FKTN: variants seen among roughly 807,000 people sequenced by gnomAD.
FKTN encodes the protein fukutin.
A neutral mutation model predicts 58.6 loss-of-function variants in FKTN; 47 were observed. That is an observed-to-expected ratio of 0.80 (90% confidence interval 0.63 to 1.02). The LOEUF (loss-of-function observed/expected upper bound fraction) is 1.02, where lower values mean the gene tolerates loss of function less well. Among genes scored for constraint, FKTN ranks in the 50% least tolerant of loss-of-function variants. The pLI, the probability that FKTN is intolerant of heterozygous loss-of-function variation, is 0.00. For synonymous variants in FKTN, 178 were observed against 191.9 expected (o/e 0.93, Z 0.60); for missense variants, 516 against 537.3 (o/e 0.96, Z 0.39).
At chr9:105,615,502 G>A in intron 8 of FKTN, 95 bp downstream of exon 8, 7 of 1,176,036 alleles carry the variant, frequency 6.0e-6, no homozygotes, top group Non-Finnish European at 9.0e-6. Flanking sequence ...AGTGACATTT[G>A]AAGTGTCATG....
rs539987429 is a variant in FKTN at position 105,588,726 on chromosome 9, C to T, written c.106-7872C>T. On this transcript the variant is annotated intron_variant, in intron 3 of 10. Transcript: ENST00000357998. Reference sequence around the variant, plus strand: ...CAGATCTGATCCAAGTTATTCTCTGCATAGTATACCTATGGAATAAGAACC... The same window carrying T: ...CAGATCTGATCCAAGTTATTCTCTGTATAGTATACCTATGGAATAAGAACC... Among the ~76,000 whole-genome samples the T allele has an allele frequency of 1.4e-4, 22 of 152,326 alleles. No homozygotes were observed. In the South Asian group the frequency reaches 4.4e-3, roughly 30 times the overall value.
chr9:105,636,735 G>A lies in FKTN; in HGVS notation c.*1471G>A, dbSNP rs779460901. ...TAGGACTACTTTCTGGAGCTTGGCA[G>A]ATTTTCCTCTGACACCAGAGAACAA... On this transcript the variant is annotated 3_prime_UTR_variant, in exon 11 of 11. Transcript: ENST00000357998. 5 of 1,296,672 alleles carry A rather than the reference G, an allele frequency of 3.9e-6. No individual in the cohort carries two copies. In the South Asian group the frequency reaches 6.3e-5, roughly 16 times the overall value. The allele number at this position is 1,296,672 out of a possible 1,614,324, so 80.3% of individuals were successfully genotyped here.
chr9:105,594,953 C>G (rs1320224722), intron 3 of FKTN, among the ~76,000 whole-genome samples: 2 of 152,036 alleles, frequency 1.3e-5, no homozygotes, highest in East Asian at 3.9e-4. Flanking sequence ...TGGAAATAAC[C>G]TAAATGTTCA....
chr9:105,559,393 A>C (rs2131608530), intron 1 of FKTN, among the ~76,000 whole-genome samples: 1 of 152,284 alleles, frequency 6.6e-6, no homozygotes, highest in Non-Finnish European at 1.5e-5. Context: ...AAAATTGTTA[A>C]TTTTGGGGCT....
At chr9:105,624,985 T>G (rs1440517139) in intron 10 of FKTN, among the ~76,000 whole-genome samples, 3 of 152,178 alleles carry the variant, frequency 2.0e-5, no homozygotes, top group African/African-American at 7.2e-5. Flanking sequence ...GTATAATGCT[T>G]CGATTAAATA....
Position 105,636,015 on chromosome 9 carries a change from C to T in FKTN, c.*751C>T. On this transcript the variant is annotated 3_prime_UTR_variant, in exon 11 of 11. Transcript: ENST00000357998. ...ATATTTTCACTGACCTCTGATGGCA[C>T]TTGTTGACAAATCATTCAAGTGAGA... 1 of 985,550 alleles carries T rather than the reference C, an allele frequency of 1.0e-6. No individual in the cohort carries two copies. The highest frequency in any genetic ancestry group is 1.2e-6 in the Non-Finnish European group (1 of 830,040). 61.1% of individuals were successfully genotyped at this position (985,550 alleles called of 1,614,324 possible). A position where few individuals can be genotyped will look rare whatever the true frequency, so the allele number is the denominator to read the frequency against.
In FKTN at chr9:105,615,351, C is replaced by T. The variant is rs137951613; in HGVS notation, c.854C>T (p.Ala285Val). The stretch of plus-strand genomic sequence containing the variant: ...GCAAAGGAATTACTGCAACTAGCAG[C>T]GAAAACATTAAACAAATTGGGAGTA... ...KSAKELLQLA[A>V]KTLNKLGVPF... Residue 285 changes from alanine to valine, a missense_variant, in exon 8 of 11, where the codon GCG becomes GTG. By Grantham distance (64) the Ala-to-Val change is moderately conservative. Coordinates refer to ENST00000357998, the MANE Select transcript of FKTN (RefSeq NM_001079802.2). 59 of 1,613,830 alleles carry T rather than the reference C, an allele frequency of 3.7e-5. No homozygotes were observed. The highest frequency in any genetic ancestry group is 2.0e-4 in the East Asian group (9 of 44,884).
chr9:105,640,218 C>T lies in FKTN; in HGVS notation c.*4954C>T, dbSNP rs977297400. The stretch of plus-strand genomic sequence containing the variant: ...AATGGCAATACCTTTTGTATAGGTC[C>T]TGTGCTTAAAGGAGGCAAGTATAAA... On this transcript the variant is annotated 3_prime_UTR_variant, in exon 11 of 11. Transcript: ENST00000357998. The T allele has an allele frequency of 1.0e-5, 15 of 1,481,698 alleles. No homozygotes were observed. The African/African-American group carries it at 1.8e-4, about 18-fold the overall frequency. 91.8% of individuals were successfully genotyped at this position (1,481,698 alleles called of 1,614,324 possible).
intron 3 of FKTN, among the ~76,000 whole-genome samples, chr9:105,582,685 A>T (rs1432526785): frequency 1.3e-5 from 2 of 152,194 alleles, no homozygotes; most frequent in East Asian, 3.8e-4. Flanking sequence ...TCTTTCTGTG[A>T]CATCTTCAAC....
intron 4 of FKTN, among the ~76,000 whole-genome samples, chr9:105,597,340 G>A (rs1032166957): frequency 2.0e-5 from 3 of 152,222 alleles, no homozygotes; most frequent in African/African-American, 4.8e-5. Context: ...AGATCACCAA[G>A]CAGTGGTCAT....
rs543729289 is a variant in FKTN, at chr9:105,595,202, A to T, written c.106-1396A>T. Among the ~76,000 whole-genome samples the T allele has an allele frequency of 3.3e-5, 5 of 152,270 alleles. No homozygotes were observed. In the South Asian group the frequency reaches 1.0e-3, roughly 32 times the overall value. ...GGAAAGGGGAGTGGCTGTTAATAGG[A>T]ACATAGTTTCTTTTTGGAGTGATTA... On this transcript the variant is annotated intron_variant, in intron 3 of 10. Coordinates refer to ENST00000357998, the MANE Select transcript of FKTN (RefSeq NM_001079802.2).
chr9:105,616,964 T>C (rs1830939419), intron 8 of FKTN, among the ~76,000 whole-genome samples: 1 of 152,162 alleles, frequency 6.6e-6, no homozygotes, highest in Non-Finnish European at 1.5e-5. Context: ...TGTTTTATAA[T>C]GTGTGTCATC....
intron 10 of FKTN, among the ~76,000 whole-genome samples, chr9:105,621,490 A>C (rs1831932973): frequency 1.3e-5 from 2 of 152,144 alleles, no homozygotes; most frequent in Admixed American, 6.5e-5. Flanking sequence ...AAATATTCAA[A>C]GAATATAAAG....
At chr9:105,624,359 G>T (rs1832467124) in intron 10 of FKTN, 1 of 152,160 alleles carries the variant, frequency 6.6e-6, no homozygotes, top group Non-Finnish European at 1.5e-5. Context: ...CAGGCACAGT[G>T]GCTCATGCCT....
chr9:105,636,493 ACTTTACC>A lies in FKTN; in HGVS notation c.*1230_*1236del. 1 of 1,004,228 alleles carries A rather than the reference ACTTTACC, an allele frequency of 1.0e-6. No individual in the cohort carries two copies. Among genetic ancestry groups the A allele is most frequent in the Non-Finnish European group, 1.2e-6 (1 of 839,076 alleles). The allele number at this position is 1,004,228 out of a possible 1,614,324, so 62.2% of individuals were successfully genotyped here. ...CGATGGGGCAAGAACTCAGACTTCT[ACTTTACC>A]AAGTACCACACACTCTGGAATGCTT... On this transcript the variant is annotated 3_prime_UTR_variant, in exon 11 of 11. Transcript: ENST00000357998.
At chr9:105,572,450 C>A (rs1003380211) in intron 1 of FKTN, among the ~76,000 whole-genome samples, 1 of 152,112 alleles carries the variant, frequency 6.6e-6, no homozygotes, top group African/African-American at 2.4e-5. Flanking sequence ...TAACTCCAAA[C>A]TGAAATATTT....
intron 1 of FKTN, among the ~76,000 whole-genome samples, chr9:105,562,356 A>C (rs1240892707): frequency 2.0e-5 from 3 of 152,106 alleles, no homozygotes; most frequent in Non-Finnish European, 4.4e-5. Context: ...GGGTGTGAAA[A>C]ATGGTCCTTG....
chr9:105,633,748 T>G (rs1482792354), intron 10 of FKTN, among the ~76,000 whole-genome samples: 3 of 152,246 alleles, frequency 2.0e-5, no homozygotes, highest in Non-Finnish European at 4.4e-5. Context: ...CTCCTTTTCA[T>G]GTATGGCTTT....
chr9:105,606,482 C>T (rs1174018610), intron 6 of FKTN, among the ~76,000 whole-genome samples: 1 of 151,716 alleles, frequency 6.6e-6, no homozygotes, highest in Admixed American at 6.6e-5. Context: ...TAGAATTGTT[C>T]CTTTTATTCT....
Sources: gnomAD v4.1 joint callset for allele counts (sites outside exome capture counted in the v4.1 genomes callset) on GRCh38, gnomAD v4.1.1 for gene constraint, MANE v1.5 for transcripts, NCBI Gene and HGNC (gene_info 2026-07-23, HGNC 2026-07-21) for gene names.